Variants in AP3B1 observed in about 807,000 individuals in gnomAD.
The protein encoded by AP3B1 is adaptor related protein complex 3 subunit beta 1, also known as AP-3 complex subunit beta-1.
Under a neutral mutation model 132.5 loss-of-function variants are expected in AP3B1, and 61 were observed. The observed-to-expected ratio is 0.46, with a 90% CI of 0.37 to 0.57. The LOEUF (loss-of-function observed/expected upper bound fraction) is 0.57, where lower values mean the gene tolerates loss of function less well. AP3B1 is among the 20% of genes least tolerant of loss of function. AP3B1 has a pLI of 0.00. For synonymous variants in AP3B1, 388 were observed against 438.3 expected (o/e 0.89, Z 1.43); for missense variants, 1,120 against 1,289.4 (o/e 0.87, Z 2.01).
At chr5:78,116,539 G>A (rs567828835) in intron 17 of AP3B1, among the ~76,000 whole-genome samples, 2 of 151,572 alleles carry the variant, frequency 1.3e-5, no homozygotes, top group Non-Finnish European at 2.9e-5. Flanking sequence ...TAAAATAGGT[G>A]AGCGAAACTA....
At chr5:78,015,840 A>T (rs1400655765) in intron 25 of AP3B1, 1 of 362,668 alleles carries the variant, frequency 2.8e-6, no homozygotes, top group Non-Finnish European at 5.2e-6. Context: ...TATCAATTTC[A>T]GTCTCTTTAA....
intron 13 of AP3B1, among the ~76,000 whole-genome samples, chr5:78,162,512 C>A (rs544001433): frequency 1.3e-5 from 2 of 151,900 alleles, no homozygotes; most frequent in African/African-American, 4.8e-5. Flanking sequence ...CATTAAAATG[C>A]AGTAAAAAGG....
intron 26 of AP3B1, among the ~76,000 whole-genome samples, chr5:78,010,093 C>T (rs186068830): frequency 1.4e-4 from 22 of 152,276 alleles, no homozygotes; most frequent in African/African-American, 5.3e-4. Flanking sequence ...TGGTCTAAGA[C>T]TGTTTTATAG....
intron 22 of AP3B1, among the ~76,000 whole-genome samples, chr5:78,055,646 T>C (rs939086676): frequency 2.0e-5 from 3 of 152,240 alleles, no homozygotes; most frequent in African/African-American, 7.2e-5. Flanking sequence ...CCTTTTTCAA[T>C]AAACACAAAA....
At chr5:78,114,861 G>A (rs560865197) in intron 18 of AP3B1, among the ~76,000 whole-genome samples, 32 of 152,258 alleles carry the variant, frequency 2.1e-4, no homozygotes, top group East Asian at 3.9e-4. Context: ...GTTAGTGTTC[G>A]GATTCAGATC....
chr5:78,291,659 T>C (rs1749530574), intron 1 of AP3B1, among the ~76,000 whole-genome samples: 1 of 152,066 alleles, frequency 6.6e-6, no homozygotes, highest in African/African-American at 2.4e-5. Flanking sequence ...TTTGCAATCC[T>C]TAGATATGTC....
chr5:78,226,269 G>A (rs1308798191), intron 5 of AP3B1, among the ~76,000 whole-genome samples: 2 of 152,138 alleles, frequency 1.3e-5, no homozygotes, highest in Non-Finnish European at 2.9e-5. Flanking sequence ...AAAGGTGAGT[G>A]AGAAGCATGA....
At chr5:78,106,166 T>C (rs1055175524) in intron 20 of AP3B1, among the ~76,000 whole-genome samples, 1 of 152,154 alleles carries the variant, frequency 6.6e-6, no homozygotes, top group African/African-American at 2.4e-5. Flanking sequence ...GATTAGAATT[T>C]AGTGTGTGTG....
chr5:78,210,382 A>T (rs537660756), intron 7 of AP3B1, among the ~76,000 whole-genome samples: 1 of 152,190 alleles, frequency 6.6e-6, no homozygotes, highest in African/African-American at 2.4e-5. Context: ...TTGGATTTTG[A>T]TAAGTTATTT....
chr5:78,261,949 T>C (rs1365349039), intron 2 of AP3B1, among the ~76,000 whole-genome samples: 2 of 150,900 alleles, frequency 1.3e-5, no homozygotes, highest in Non-Finnish European at 2.9e-5. Context: ...ACGAGATTTG[T>C]CTTTTTAGTA....
intron 26 of AP3B1, 97 bp from the exon 27 acceptor site, chr5:78,003,152 A>T: frequency 1.4e-6 from 2 of 1,412,364 alleles, no homozygotes; most frequent in Non-Finnish European, 1.9e-6. Context: ...TTTTTTGTCA[A>T]ATGAAATAAT....
intron 20 of AP3B1, among the ~76,000 whole-genome samples, chr5:78,107,859 T>C (rs1485825136): frequency 1.3e-5 from 2 of 152,270 alleles, no homozygotes; most frequent in Non-Finnish European, 2.9e-5. Context: ...GTTGATCTTT[T>C]ATGGAATTTT....
chr5:78,024,744 G>A (rs1005203199), intron 24 of AP3B1, among the ~76,000 whole-genome samples: 1 of 151,684 alleles, frequency 6.6e-6, no homozygotes, highest in African/African-American at 2.4e-5. Flanking sequence ...TTGTATTTTA[G>A]TAGAGACGAG....
At chr5:78,038,959 T>C (rs2112099750) in intron 23 of AP3B1, 84 bp downstream of exon 23, 1 of 830,240 alleles carries the variant, frequency 1.2e-6, no homozygotes, top group Non-Finnish European at 1.9e-6. Context: ...ACTATTTTAC[T>C]AAAAAGTATT....
intron 22 of AP3B1, chr5:78,087,733 G>A: frequency 1.0e-6 from 1 of 976,768 alleles, no homozygotes; most frequent in Non-Finnish European, 1.2e-6. Flanking sequence ...CAATTACTTT[G>A]TGATGAATGA....
intron 22 of AP3B1, among the ~76,000 whole-genome samples, chr5:78,080,336 G>T (rs1375929122): frequency 6.6e-6 from 1 of 152,070 alleles, no homozygotes; most frequent in Non-Finnish European, 1.5e-5. Flanking sequence ...TTGTTTTTGA[G>T]ATTTGTCTAA....
chr5:78,172,594 T>C (rs1743965953), intron 11 of AP3B1, among the ~76,000 whole-genome samples: 1 of 152,224 alleles, frequency 6.6e-6, no homozygotes, highest in South Asian at 2.1e-4. Flanking sequence ...TCCTTTATCA[T>C]TTTTTAATGC....
intron 14 of AP3B1, among the ~76,000 whole-genome samples, chr5:78,145,791 T>A (rs1180487020): frequency 6.6e-6 from 1 of 152,192 alleles, no homozygotes; most frequent in Non-Finnish European, 1.5e-5. Context: ...GTGGGACATT[T>A]TCCCACTTCT....
At chr5:78,161,952 T>C (rs1743404090) in intron 13 of AP3B1, among the ~76,000 whole-genome samples, 1 of 152,098 alleles carries the variant, frequency 6.6e-6, no homozygotes, top group Admixed American at 6.5e-5. Context: ...ATCAATTTTG[T>C]TGTTTTACCT....
Sources: gnomAD v4.1 joint callset for allele counts (sites outside exome capture counted in the v4.1 genomes callset) on GRCh38, gnomAD v4.1.1 for gene constraint, MANE v1.5 for transcripts, NCBI Gene and HGNC (gene_info 2026-07-23, HGNC 2026-07-21) for gene names.